Variants in RPS6KB2 observed in about 807,000 individuals in gnomAD.
The protein encoded by RPS6KB2 is ribosomal protein S6 kinase beta-2.
RPS6KB2 carries 51 observed loss-of-function variants against 58.2 expected under a neutral mutation model. The observed-to-expected ratio is 0.88, with a 90% CI of 0.70 to 1.11. The LOEUF is 1.11. Ranked by LOEUF, RPS6KB2 falls within the 50% of genes least tolerant of loss-of-function variation. The pLI, the probability that RPS6KB2 is intolerant of heterozygous loss-of-function variation, is 0.00. For missense variants in RPS6KB2, 671 were observed against 655.8 expected, an observed-to-expected ratio of 1.02 and a Z score of -0.25; for synonymous variants, 293 against 258.6, an observed-to-expected ratio of 1.13 and a Z score of -1.28.
In RPS6KB2 at chr11:67,434,552, G is replaced by C. The variant is rs751847900; in HGVS notation, c.1156-30G>C. On this transcript the variant is annotated intron_variant, in intron 13 of 14. Coordinates refer to ENST00000312629, the MANE Select transcript of RPS6KB2 (RefSeq NM_003952.3). ...CGTGACTAAGGATGGCAGGCACTGA[G>C]TGTCGCATGGCCCTGCCTCCGCCCC... 30 of 1,595,560 alleles carry C rather than the reference G, an allele frequency of 1.9e-5. No individual in the cohort carries two copies. The Middle Eastern group carries it at 9.9e-4, about 53-fold the overall frequency.
At position 67,435,009 on chromosome 11, in the gene RPS6KB2, T is replaced by C. The variant is rs1423760267; in HGVS notation, c.1289T>C (p.Phe430Ser). Residue 430 changes from phenylalanine to serine, a missense_variant, in exon 15 of 15, where the codon TTT (phenylalanine) becomes TCT (serine). Phe to Ser is a radical substitution (Grantham distance 155). Transcript: ENST00000312629. ...APVSPLKFSP[F>S]EGFRPSPSLP... is the part of the protein sequence containing the mutation. The stretch of plus-strand genomic sequence containing the variant: ...TGCAGCCCCCTCAAGTTCTCCCCTT[T>C]TGAGGGGTTTCGGCCCAGCCCCAGC... 1.2e-6 allele frequency: 2 copies of C among 1,613,556 alleles called. No homozygotes were observed.
intron 11 of RPS6KB2, 43 bp downstream of exon 11, chr11:67,434,100 G>C (rs532185251): frequency 1.2e-6 from 2 of 1,613,272 alleles, no homozygotes; most frequent in Admixed American, 3.3e-5. Flanking sequence ...GAGTCTCCAA[G>C]GGTGCCGGGA....
chr11:67,433,144 G>A lies in RPS6KB2; in HGVS notation c.726G>A (p.Val242=), dbSNP rs1344844846. ...ACCCCAGGGCCCCTGAGATTCTGGTGCGCAGTGGCCACAACCGGGCTGTGG... is the reference window on the plus strand; with the variant it reads ...ACCCCAGGGCCCCTGAGATTCTGGTACGCAGTGGCCACAACCGGGCTGTGG... ...TIEYMAPEIL[V]RSGHNRAVDW... Residue 242 remains valine, a synonymous_variant, in exon 9 of 15, where the codon GTG becomes GTA. Transcript: ENST00000312629. The A allele has an allele frequency of 1.2e-6, 2 of 1,604,022 alleles. No homozygotes were observed. Among genetic ancestry groups the A allele is most frequent in the Admixed American group, 3.4e-5 (2 of 58,444 alleles).
chr11:67,431,618 G>C, intron 5 of RPS6KB2, 103 bp downstream of exon 5: 4 of 1,236,634 alleles, frequency 3.2e-6, no homozygotes, highest in Non-Finnish European at 4.5e-6. Context: ...GTCTGTGGGG[G>C]TTGGCTAGGG....
rs757772646 is a variant in RPS6KB2, at chr11:67,429,135, T to G, written c.135T>G (p.Tyr45Ter). 2.5e-6 allele frequency: 4 copies of G among 1,613,826 alleles called. No individual in the cohort carries two copies. The African/African-American group carries it at 4.0e-5, about 16-fold the overall frequency. The change falls in exon 3 of 15, where the codon TAT becomes TAG. Residue 45 changes from tyrosine (Y) to a stop codon, truncating the protein, a stop_gained. Transcript: ENST00000312629. LOFTEE classifies it high-confidence loss of function. ...GTGTCCGTAGGCCTGTGGGACACTATGAAGAGGTGGAGCTGACTGAGACCA... is the reference window on the plus strand; with the variant it reads ...GTGTCCGTAGGCCTGTGGGACACTAGGAAGAGGTGGAGCTGACTGAGACCA... ...RAAGLEPVGHYEEVELTETSV... is the reference protein window; with the variant it reads ...RAAGLEPVGH
rs773737464 is a variant in RPS6KB2 at position 67,429,540 on chromosome 11, G to A, written c.254G>A (p.Arg85Gln). ...CCTGCCCTACAGGTGTTCCAGGTGC[G>A]AAAGGTGCAAGGCACCAACTTGGGC... is the stretch of plus-strand genomic sequence containing the variant. ...KGGYGKVFQV[R>Q]KVQGTNLGKI... The change falls in exon 4 of 15, where the codon CGA (arginine) becomes CAA (glutamine). Residue 85 changes from arginine (R) to glutamine (Q), a missense_variant. Coordinates refer to ENST00000312629, the MANE Select transcript of RPS6KB2 (RefSeq NM_003952.3). 3.1e-6 allele frequency: 5 copies of A among 1,613,176 alleles called. No homozygotes were observed. In the South Asian group the frequency reaches 5.5e-5, roughly 18 times the overall value.
chr11:67,433,341 C>A lies in RPS6KB2; in HGVS notation c.800C>A (p.Pro267Gln), dbSNP rs55987642. ...CCTCTCACCTTCCTCCTCCTCCAGC[C>A]GCCCTTCACCGCAGAGAACCGGAAG... Reference protein sequence around the residue: ...ALMYDMLTGSPPFTAENRKKT... With the variant: ...ALMYDMLTGSQPFTAENRKKT... Residue 267 changes from proline (P) to glutamine (Q), a missense_variant and splice_region_variant, in exon 10 of 15, where the codon CCG becomes CAG. Pro to Gln is a moderately conservative substitution (Grantham distance 76). Coordinates refer to ENST00000312629, the MANE Select transcript of RPS6KB2 (RefSeq NM_003952.3). 1.2e-6 allele frequency: 2 copies of A among 1,613,340 alleles called. No individual in the cohort carries two copies. The highest frequency in any genetic ancestry group is 1.7e-6 in the Non-Finnish European group (2 of 1,179,490).
Position 67,432,561 on chromosome 11 carries a change from T to C in RPS6KB2, c.458-39T>C, listed in dbSNP as rs755452032. ...AAGACTCAGAAAGCACAAAGGGGCT[T>C]GGACCCAGCACGTGGCTGCTGACGT... On this transcript the variant is annotated intron_variant, in intron 5 of 14. Transcript: ENST00000312629. 1.8e-5 allele frequency: 29 copies of C among 1,612,096 alleles called. 1 individual carries two copies. In the South Asian group the frequency reaches 3.1e-4, roughly 17 times the overall value.
intron 4 of RPS6KB2, chr11:67,430,893 CTG>C (rs1285107219): frequency 6.5e-6 from 1 of 153,174 alleles, no homozygotes; most frequent in African/African-American, 2.4e-5. Context: ...TTGAGAAACC[CTG>C]TGTTAGAGGA....
intron 10 of RPS6KB2, 148 bp downstream of exon 10, chr11:67,433,595 A>G (rs1864127222): frequency 3.0e-6 from 2 of 668,542 alleles, no homozygotes; most frequent in Admixed American, 5.0e-5. Flanking sequence ...GAAGTCAGGG[A>G]TTGAGCCCAG....
At position 67,434,384 on chromosome 11, in the gene RPS6KB2, A is replaced by G. The variant is rs753976470; in HGVS notation, c.1055A>G (p.Glu352Gly). 4 of 1,613,114 alleles carry G rather than the reference A, an allele frequency of 2.5e-6. No homozygotes were observed. In the South Asian group the frequency reaches 4.4e-5, roughly 18 times the overall value. Residue 352 changes from glutamate to glycine, a missense_variant, in exon 13 of 15, where the codon GAG becomes GGG. By Grantham distance (98) the Glu-to-Gly change is moderately conservative. Transcript: ENST00000312629. ...DPPFRPCLQS[E>G]EDVSQFDTRF... is the part of the protein sequence containing the mutation. ...ACTCTGGTCGGCCCACAGCAGTCAG[A>G]GGAGGACGTGAGCCAGTTTGATACC...
At chr11:67,429,937 C>T (rs1211054172) in intron 4 of RPS6KB2, 6 of 212,066 alleles carry the variant, frequency 2.8e-5, no homozygotes, top group East Asian at 1.4e-4. Flanking sequence ...CCTTAGACTC[C>T]GGAGTAGCTG....
At chr11:67,429,866 T>A (rs940718592) in intron 4 of RPS6KB2, 1 of 331,018 alleles carries the variant, frequency 3.0e-6, no homozygotes, top group Non-Finnish European at 5.6e-6. Flanking sequence ...CAGGCTGGAG[T>A]GCAGTGACGC....
chr11:67,428,608 A>G lies in RPS6KB2; in HGVS notation c.63A>G (p.Pro21=), dbSNP rs2135112543. 1 of 1,610,258 alleles carries G rather than the reference A, an allele frequency of 6.2e-7. No individual in the cohort carries two copies. Among genetic ancestry groups the G allele is most frequent in the East Asian group, 2.2e-5 (1 of 44,822 alleles). Residue 21 remains proline, a synonymous_variant, in exon 1 of 15, where the codon CCA becomes CCG. Coordinates refer to ENST00000312629, the MANE Select transcript of RPS6KB2 (RefSeq NM_003952.3). The part of the protein sequence containing the change: ...TEEGSEGEGE[P]ELSPADACPL... ...AAGGCAGCGAGGGCGAGGGCGAGCCAGAGCTCAGCCCCGCGGTGAGTGCCC... is the reference window on the plus strand; with the variant it reads ...AAGGCAGCGAGGGCGAGGGCGAGCCGGAGCTCAGCCCCGCGGTGAGTGCCC...
chr11:67,433,963 C>T (rs749181013), intron 10 of RPS6KB2, 32 bp from the exon 11 acceptor site: 1 of 1,613,588 alleles, frequency 6.2e-7, no homozygotes. Flanking sequence ...CAGTACTTGC[C>T]CAGGCCCTCA....
rs372856100 is a variant in RPS6KB2, at chr11:67,434,304, C to T, written c.1047+29C>T. 5.7e-4 allele frequency: 926 copies of T among 1,612,194 alleles called. 11 individuals carry two copies. The South Asian group carries it at 9.0e-3, about 16-fold the overall frequency. ...AGCAGCAGGGCTGGTGGCCAGTGGC[C>T]GGTGGCGGGTGGCAAGTGGAGAACC... On this transcript the variant is annotated intron_variant, in intron 12 of 14. Coordinates refer to ENST00000312629, the MANE Select transcript of RPS6KB2 (RefSeq NM_003952.3).
chr11:67,432,266 C>G (rs1443632502), intron 5 of RPS6KB2: 1 of 570,544 alleles, frequency 1.8e-6, no homozygotes, highest in African/African-American at 1.8e-5. Flanking sequence ...TCCCTGTCTT[C>G]TCTGCGAGAT....
chr11:67,433,836 T>C (rs572124644), intron 10 of RPS6KB2, among the ~76,000 whole-genome samples, 159 bp from the exon 11 acceptor site: 1 of 152,208 alleles, frequency 6.6e-6, no homozygotes, highest in Non-Finnish European at 1.5e-5. Context: ...GTGGCTCCAT[T>C]GACCAAACCT....
In RPS6KB2 at chr11:67,428,514, C is replaced by G. The variant is rs1294881731; in HGVS notation, c.-32C>G. ...CTGTCAGTCAGTGCGCGGCCAGGTA[C>G]GGGCCGACGGGCCCGCGGGGCCGGC... On this transcript the variant is annotated 5_prime_UTR_variant, in exon 1 of 15. Coordinates refer to ENST00000312629, the MANE Select transcript of RPS6KB2 (RefSeq NM_003952.3). 6.3e-7 allele frequency: 1 copy of G among 1,583,874 alleles called. No homozygotes were observed. The highest frequency in any genetic ancestry group is 2.3e-5 in the East Asian group (1 of 43,922).
Sources: allele counts gnomAD v4.1 joint callset (sites outside exome capture counted in the v4.1 genomes callset), GRCh38; gene constraint gnomAD v4.1.1; transcripts MANE v1.5; gene names NCBI Gene and HGNC (gene_info 2026-07-23, HGNC 2026-07-21).